The following KMT2D variants were observed in gnomAD, a reference collection of about 807,000 sequenced individuals.
KMT2D encodes the protein histone-lysine N-methyltransferase 2D.
KMT2D carries 55 observed loss-of-function variants against 512.7 expected under a neutral mutation model. That is an observed-to-expected ratio of 0.11 (90% CI 0.09 to 0.13). KMT2D has a LOEUF of 0.13. KMT2D is among the 10% of genes least tolerant of loss of function. KMT2D has a pLI of 1.00. For synonymous variants in KMT2D, 2,995 were observed against 2,904.0 expected, an observed-to-expected ratio of 1.03 and a Z score of -1.01; for missense variants, 6,061 against 7,127.9, an observed-to-expected ratio of 0.85 and a Z score of 5.39.
In KMT2D at chr12:49,026,344, C is replaced by T. The variant is rs756218008; in HGVS notation, c.15622G>A (p.Val5208Met). ...DFHSATALYPVGYEATRIYWS... is the reference protein window; with the variant it reads ...DFHSATALYPMGYEATRIYWS... The stretch of plus-strand genomic sequence containing the variant: ...TAGATGCGCGTGGCCTCGTAGCCCA[C>T]GGGATAGAGGGCAGTGGCACTATGA... Residue 5208 changes from valine to methionine, a missense_variant, in exon 49 of 55, where the codon GTG becomes ATG. Around this residue, in one of 16 missense-constraint regions of KMT2D, gnomAD observed 261 missense variants for 440.7 expected, o/e 0.59. Coordinates refer to ENST00000301067, the MANE Select transcript of KMT2D (RefSeq NM_003482.4). The surrounding 1 kb of genome is among the most constrained non-coding windows in gnomAD (Gnocchi z 9.6). The T allele has an allele frequency of 1.3e-5, 21 of 1,611,898 alleles. No individual in the cohort carries two copies. Among genetic ancestry groups the T allele is most frequent in the South Asian group, 8.8e-5 (8 of 91,074 alleles).
intron 15 of KMT2D, among the ~76,000 whole-genome samples, chr12:49,047,065 C>A (rs1474529237): frequency 1.3e-5 from 2 of 152,052 alleles, no homozygotes. Context: ...AGGCTGGTCA[C>A]CAACTCCTGA....
In KMT2D at chr12:49,037,877, A is replaced by G. The variant is rs2120486923; in HGVS notation, c.9479T>C (p.Met3160Thr). The change falls in exon 35 of 55, where the codon ATG (methionine) becomes ACG (threonine). Residue 3160 changes from methionine (M) to threonine (T), a missense_variant. Transcript: ENST00000301067. Reference sequence around the variant, plus strand: ...CATCCGGGTATCCCGGCTGCCCATCATGCTCTGTCCTGGCTTTAGCCCCAG... The same window carrying G: ...CATCCGGGTATCCCGGCTGCCCATCGTGCTCTGTCCTGGCTTTAGCCCCAG... ...LGLGLKPGQS[M>T]MGSRDTRMGT... The G allele has an allele frequency of 6.3e-7, 1 of 1,598,470 alleles. No homozygotes were observed. Among genetic ancestry groups the G allele is most frequent in the South Asian group, 1.1e-5 (1 of 88,524 alleles).
rs1943392952 is a variant in KMT2D, at chr12:49,039,684, G to C, written c.8046+40C>G. On this transcript the variant is annotated intron_variant, in intron 32 of 54. Transcript: ENST00000301067. This position sits in a 1 kb window ranked among gnomAD's most constrained non-coding sequence, Gnocchi z 5.0. ...CAATCATAGGGCTGCCCCAGAGACA[G>C]GAGCGATATAGGGGGCTTAGCTCCA... 1 of 1,604,304 alleles carries C rather than the reference G, an allele frequency of 6.2e-7. No homozygotes were observed. The highest frequency in any genetic ancestry group is 1.1e-5 in the South Asian group (1 of 90,860).
At chr12:49,045,022 C>T in intron 19 of KMT2D, 57 bp from the exon 20 acceptor site, 1 of 1,512,924 alleles carries the variant, frequency 6.6e-7, no homozygotes. Context: ...GAAACCAGAA[C>T]TGCAAGTTTC....
At chr12:49,031,136 G>T (rs758252481) in intron 40 of KMT2D, 39 bp downstream of exon 40, 2 of 1,608,448 alleles carry the variant, frequency 1.2e-6, no homozygotes, top group South Asian at 2.2e-5. Flanking sequence ...CTGGCTCTAG[G>T]ACCCACTCTA....
In KMT2D at chr12:49,041,031, G is replaced by A. The variant is rs794727547; in HGVS notation, c.6739C>T (p.Pro2247Ser). Reference sequence around the variant, plus strand: ...AAGTTATCCAGCGAGGGGCAGCGGGGTTTGAGGAATGGGTCAGGTGTGGAG... The same window carrying A: ...AAGTTATCCAGCGAGGGGCAGCGGGATTTGAGGAATGGGTCAGGTGTGGAG... ...QPSTPDPFLK[P>S]RCPSLDNLAV... The change falls in exon 32 of 55, where the codon CCC becomes TCC. Residue 2247 changes from proline to serine, a missense_variant. By Grantham distance (74) the Pro-to-Ser change is moderately conservative (BLOSUM62 -1). Transcript: ENST00000301067. This position sits in a 1 kb window ranked among gnomAD's most constrained non-coding sequence, Gnocchi z 5.4. 14 of 1,570,980 alleles carry A rather than the reference G, an allele frequency of 8.9e-6. No homozygotes were observed. In the Admixed American group the frequency reaches 2.4e-4, roughly 27 times the overall value.
In KMT2D at chr12:49,053,051, A is replaced by C; in HGVS notation, c.976T>G (p.Cys326Gly). 6.2e-7 allele frequency: 1 copy of C among 1,614,040 alleles called. No individual in the cohort carries two copies. The highest frequency in any genetic ancestry group is 8.5e-7 in the Non-Finnish European group (1 of 1,179,876). The change falls in exon 9 of 55, where the codon TGT becomes GGT. Residue 326 changes from cysteine (C) to glycine (G), a missense_variant. Physicochemically the swap from Cys to Gly is radical, Grantham distance 159 (BLOSUM62 -3). Around this residue, in one of 16 missense-constraint regions of KMT2D, gnomAD observed 848 missense variants for 838.5 expected, o/e 1.01. Coordinates refer to ENST00000301067, the MANE Select transcript of KMT2D (RefSeq NM_003482.4). Reference sequence around the variant, plus strand: ...TTCAGTTCTGCTGAGCCCGCCCCACAGGCCCGGCACACCCGGCACGCCTAA... The same window carrying C: ...TTCAGTTCTGCTGAGCCCGCCCCACCGGCCCGGCACACCCGGCACGCCTAA... The part of the protein sequence containing the change: ...KCKACRVCRA[C>G]GAGSAELNPN...
In KMT2D at chr12:49,052,294, C is replaced by T. The variant is rs1938112560; in HGVS notation, c.1389G>A (p.Glu463=). Residue 463 remains glutamate, a synonymous_variant, in exon 11 of 55, where the codon GAG becomes GAA. Transcript: ENST00000301067. ...PEESPTSPPP[E]ASRLSPPPEE... ...CAGGTGGTGGTGACAGGCGTGATGC[C>T]TCAGGTGGTGGGGACGTGGGTGATT... The T allele has an allele frequency of 1.3e-6, 2 of 1,595,542 alleles. No homozygotes were observed. Among genetic ancestry groups the T allele is most frequent in the Non-Finnish European group, 1.7e-6 (2 of 1,169,640 alleles).
chr12:49,031,777 G>A lies in KMT2D; in HGVS notation c.12928C>T (p.Pro4310Ser), dbSNP rs756978181. Residue 4310 changes from proline to serine, a missense_variant, in exon 40 of 55, where the codon CCA becomes TCA. Coordinates refer to ENST00000301067, the MANE Select transcript of KMT2D (RefSeq NM_003482.4). ...TTTGGCTCTTGAGGGCTGGATGGTG[G>A]AGGTGTGGGATGGACAGGGCCAAGG... ...PVLGPVHPTP[P>S]PSSPQEPKRP... is the part of the protein sequence containing the mutation. The A allele has an allele frequency of 3.1e-6, 5 of 1,611,112 alleles. No homozygotes were observed. The Admixed American group carries it at 8.4e-5, about 27-fold the overall frequency.
chr12:49,036,568 A>C (rs941981036), intron 35 of KMT2D, among the ~76,000 whole-genome samples: 9 of 144,776 alleles, frequency 6.2e-5, no homozygotes, highest in Non-Finnish European at 1.3e-4. Flanking sequence ...GGCTCACCAC[A>C]ACCTCTGCCT....
rs1368754155 is a variant in KMT2D, at chr12:49,032,322, G to A, written c.12383C>T (p.Ser4128Leu). Residue 4128 changes from serine (S) to leucine (L), a missense_variant, in exon 40 of 55, where the codon TCA (serine) becomes TTA (leucine). Ser to Leu is a moderately radical substitution (Grantham distance 145). Transcript: ENST00000301067. ...CTGAGCCAGCAGGTGGGGCACAGAT[G>A]AGGCCTCAGAAGATGATCCACTGCC... ...QLGSGSSSEA[S>L]SVPHLLAQPS... is the part of the protein sequence containing the mutation. 6.2e-7 allele frequency: 1 copy of A among 1,613,816 alleles called. No homozygotes were observed. The highest frequency in any genetic ancestry group is 8.5e-7 in the Non-Finnish European group (1 of 1,179,782).
rs1283125458 is a variant in KMT2D, at chr12:49,050,703, C to T, written c.2885G>A (p.Gly962Asp). The part of the protein sequence containing the change: ...SPLGELEYPF[G>D]AKGDSDPESP... ...CTCAGGGTCACTGTCCCCTTTGGCA[C>T]CAAAGGGGTACTCTAACTCCCCCAA... Residue 962 changes from glycine (G) to aspartate (D), a missense_variant, in exon 12 of 55, where the codon GGT becomes GAT. Around this residue, in one of 16 missense-constraint regions of KMT2D, gnomAD observed 848 missense variants for 838.5 expected, o/e 1.01. Transcript: ENST00000301067. 6.2e-7 allele frequency: 1 copy of T among 1,613,338 alleles called. No homozygotes were observed. Among genetic ancestry groups the T allele is most frequent in the Non-Finnish European group, 8.5e-7 (1 of 1,179,758 alleles).
chr12:49,021,015 A>C lies in KMT2D; in HGVS notation c.*765T>G. On this transcript the variant is annotated 3_prime_UTR_variant, in exon 55 of 55. Coordinates refer to ENST00000301067, the MANE Select transcript of KMT2D (RefSeq NM_003482.4). ...CCCTTCCACCCACTCAGAAGAGGGC[A>C]GTGAGGTGGGGGAGAGGGTTGGGGC... is the stretch of plus-strand genomic sequence containing the variant. 5.2e-6 allele frequency: 1 copy of C among 193,986 alleles called. No individual in the cohort carries two copies. The highest frequency in any genetic ancestry group is 1.1e-5 in the Non-Finnish European group (1 of 92,972). 12.0% of individuals were successfully genotyped at this position (193,986 alleles called of 1,614,324 possible).
rs1453591888 is a variant in KMT2D at position 49,050,509 on chromosome 12, G to A, written c.3079C>T (p.Leu1027Phe). The change falls in exon 12 of 55, where the codon CTC becomes TTC. Residue 1027 changes from leucine to phenylalanine, a missense_variant. Coordinates refer to ENST00000301067, the MANE Select transcript of KMT2D (RefSeq NM_003482.4). ...MEPLPPQCSP[L>F]LQHSLVPQNS... ...TGGGGAACCAGGGAATGCTGAAGGAGTGGCGAACACTGAGGAGGAAGGGGC... is the reference window on the plus strand; with the variant it reads ...TGGGGAACCAGGGAATGCTGAAGGAATGGCGAACACTGAGGAGGAAGGGGC... The A allele has an allele frequency of 5.6e-6, 9 of 1,612,374 alleles. 1 individual carries two copies. In the South Asian group the frequency reaches 8.8e-5, roughly 16 times the overall value.
At position 49,060,436 on chromosome 12, in the gene KMT2D, C is replaced by T. The variant is rs922645110; in HGVS notation, c.-861G>A. Reference sequence around the variant, plus strand: ...TGGCCGGCTCTGGTCGGTGGCACCCCCTCGACCCCCGGCTGACTGTGATCG... The same window carrying T: ...TGGCCGGCTCTGGTCGGTGGCACCCTCTCGACCCCCGGCTGACTGTGATCG... On this transcript the variant is annotated 5_prime_UTR_variant, in exon 1 of 55. Coordinates refer to ENST00000301067, the MANE Select transcript of KMT2D (RefSeq NM_003482.4). Among the ~76,000 whole-genome samples, 33 of 152,188 alleles carry T rather than the reference C, an allele frequency of 2.2e-4. No homozygotes were observed. The highest frequency in any genetic ancestry group is 4.4e-4 in the Non-Finnish European group (30 of 68,016).
At chr12:49,049,265 G>A (rs750433057) in intron 12 of KMT2D, 47 bp from the exon 13 acceptor site, 47 of 1,247,008 alleles carry the variant, frequency 3.8e-5, no homozygotes, top group Admixed American at 2.2e-4. Flanking sequence ...AAGGGCTAGT[G>A]TGTTGGGTTT....
chr12:49,053,315 A>G lies in KMT2D; in HGVS notation c.846T>C (p.Pro282=), dbSNP rs901202001. The change falls in exon 8 of 55, where the codon CCT becomes CCC. Residue 282 remains proline, a synonymous_variant. Coordinates refer to ENST00000301067, the MANE Select transcript of KMT2D (RefSeq NM_003482.4). ...ECKVCQACRK[P]GNDSKMLVCE... ...AAACCAACATCTTAGAGTCATTCCC[A>G]GGTTTCCTGCAGGTGCACATGGAAC... The G allele has an allele frequency of 2.0e-5, 32 of 1,613,450 alleles. No individual in the cohort carries two copies. Among genetic ancestry groups the G allele is most frequent in the Non-Finnish European group, 2.5e-5 (30 of 1,179,624 alleles).
Position 49,055,038 on chromosome 12 carries a change from G to T in KMT2D, c.50-12C>A, listed in dbSNP as rs1442809880. 1.2e-6 allele frequency: 2 copies of T among 1,613,256 alleles called. No homozygotes were observed. The highest frequency in any genetic ancestry group is 1.7e-6 in the Non-Finnish European group (2 of 1,179,554). On this transcript the variant is annotated splice_polypyrimidine_tract_variant and intron_variant, in intron 2 of 54. Coordinates refer to ENST00000301067, the MANE Select transcript of KMT2D (RefSeq NM_003482.4). ...TGCAGGTCCATCAGCTGAATAAACAGACAAACAGCATGTGTCAGCCATCAT... is the reference window on the plus strand; with the variant it reads ...TGCAGGTCCATCAGCTGAATAAACATACAAACAGCATGTGTCAGCCATCAT...
rs925196632 is a variant in KMT2D, at chr12:49,044,589, G to A, written c.4964-67C>T. ...TAGGCCCTTTTAACCTTGTCATCCT[G>A]CCACTGAGAGAGCTGAATACCTTGC... On this transcript the variant is annotated intron_variant, in intron 20 of 54. Coordinates refer to ENST00000301067, the MANE Select transcript of KMT2D (RefSeq NM_003482.4). This position sits in a 1 kb window ranked among gnomAD's most constrained non-coding sequence, Gnocchi z 6.4. The A allele has an allele frequency of 3.2e-6, 5 of 1,586,324 alleles. No individual in the cohort carries two copies. Among genetic ancestry groups the A allele is most frequent in the Admixed American group, 1.7e-5 (1 of 57,296 alleles).
Sources: gnomAD v4.1 joint callset for allele counts (sites outside exome capture counted in the v4.1 genomes callset) on GRCh38, gnomAD v4.1.1 for gene constraint, gnomAD v4.1.1 regional missense constraint, Gnocchi (gnomAD v3.1) non-coding constraint, MANE v1.5 for transcripts, NCBI Gene and HGNC (gene_info 2026-07-23, HGNC 2026-07-21) for gene names.